IMMP2L: variants seen among roughly 807,000 people sequenced by gnomAD.
IMMP2L encodes mitochondrial inner membrane protease subunit 2.
A neutral mutation model predicts 19.3 loss-of-function variants in IMMP2L; 18 were observed. That is an observed-to-expected ratio of 0.93 (90% confidence interval 0.64 to 1.38). The LOEUF (loss-of-function observed/expected upper bound fraction) is 1.38, where lower values mean the gene tolerates loss of function less well. IMMP2L is among the 40% of genes most tolerant of loss of function. The probability of loss-of-function intolerance (pLI) is 0.00; values close to 1 mark genes in which losing one functional copy is unlikely to be tolerated. For synonymous variants in IMMP2L, 76 were observed against 73.0 expected (o/e 1.04, Z -0.21); for missense variants, 233 against 218.2 (o/e 1.07, Z -0.43).
intron 5 of IMMP2L, among the ~76,000 whole-genome samples, chr7:110,751,647 C>T (rs758967162): frequency 7.2e-5 from 11 of 151,892 alleles, no homozygotes; most frequent in Non-Finnish European, 1.3e-4. Context: ...AGCTGTAACA[C>T]GGCAAGTTAG....
At chr7:111,300,262 C>T (rs1822078500) in intron 3 of IMMP2L, among the ~76,000 whole-genome samples, 1 of 152,050 alleles carries the variant, frequency 6.6e-6, no homozygotes, top group Admixed American at 6.6e-5. Flanking sequence ...CATAGCAGAC[C>T]CACCTGAAGA....
intron 3 of IMMP2L, among the ~76,000 whole-genome samples, chr7:110,981,063 T>C (rs1821245111): frequency 6.6e-6 from 1 of 152,194 alleles, no homozygotes; most frequent in African/African-American, 2.4e-5. Flanking sequence ...TTTGAGAGTT[T>C]AGGCTACTGT....
chr7:110,715,895 G>C (rs765292858), intron 5 of IMMP2L, among the ~76,000 whole-genome samples: 9 of 152,048 alleles, frequency 5.9e-5, no homozygotes, highest in Non-Finnish European at 1.2e-4. Context: ...AGCTATCTAA[G>C]TATTTTCCTA....
chr7:111,088,114 T>C (rs1796515247), intron 3 of IMMP2L, among the ~76,000 whole-genome samples: 2 of 152,136 alleles, frequency 1.3e-5, no homozygotes, highest in African/African-American at 4.8e-5. Context: ...CCAGGCTACT[T>C]TTCTAAGAAA....
intron 5 of IMMP2L, among the ~76,000 whole-genome samples, chr7:110,814,007 C>T (rs930741656): frequency 5.9e-5 from 9 of 151,832 alleles, no homozygotes; most frequent in South Asian, 4.1e-4. Flanking sequence ...ATTTTTTTAA[C>T]GCTTATGAGT....
At chr7:111,369,448 A>C (rs1024572547) in intron 3 of IMMP2L, among the ~76,000 whole-genome samples, 6 of 152,064 alleles carry the variant, frequency 3.9e-5, no homozygotes, top group Non-Finnish European at 8.8e-5. Flanking sequence ...TTTTCATGAA[A>C]GGGCTAAAAT....
intron 3 of IMMP2L, among the ~76,000 whole-genome samples, chr7:111,085,357 C>A (rs1796227396): frequency 6.6e-6 from 1 of 152,112 alleles, no homozygotes; most frequent in Admixed American, 6.5e-5. Flanking sequence ...ATTTACACTC[C>A]CAACAACAGT....
intron 4 of IMMP2L, among the ~76,000 whole-genome samples, chr7:110,896,693 G>T (rs1960345): frequency 2.4e-4 from 36 of 152,202 alleles, no homozygotes; most frequent in African/African-American, 7.9e-4. Context: ...CATTTGTTTA[G>T]AAAATCTTCT....
intron 3 of IMMP2L, among the ~76,000 whole-genome samples, chr7:111,447,280 G>C (rs1838584379): frequency 8.7e-6 from 1 of 114,824 alleles, no homozygotes; most frequent in Non-Finnish European, 1.8e-5. Flanking sequence ...TTGAAATGAA[G>C]GAAAAAATGT....
intron 3 of IMMP2L, among the ~76,000 whole-genome samples, chr7:111,075,591 A>G (rs778010306): frequency 5.3e-5 from 8 of 152,170 alleles, no homozygotes; most frequent in Non-Finnish European, 1.0e-4. Context: ...CTGAGCCTCC[A>G]TAACACTAGG....
intron 3 of IMMP2L, among the ~76,000 whole-genome samples, chr7:111,410,015 T>G (rs951522920): frequency 6.6e-6 from 1 of 151,768 alleles, no homozygotes; most frequent in African/African-American, 2.4e-5. Flanking sequence ...TGGCTGGAAT[T>G]TGTGGGACAT....
At chr7:110,796,169 C>T (rs1156522454) in intron 5 of IMMP2L, among the ~76,000 whole-genome samples, 1 of 151,974 alleles carries the variant, frequency 6.6e-6, no homozygotes, top group African/African-American at 2.4e-5. Flanking sequence ...CCGGAGGCCT[C>T]CCAGCCATGC....
intron 5 of IMMP2L, among the ~76,000 whole-genome samples, chr7:110,801,429 C>A (rs563207267): frequency 3.3e-5 from 5 of 152,062 alleles, no homozygotes; most frequent in Admixed American, 3.3e-4. Context: ...CTTATACTTT[C>A]CTTTGGTCAT....
chr7:110,734,624 A>G (rs1008560130), intron 5 of IMMP2L, among the ~76,000 whole-genome samples: 1 of 152,232 alleles, frequency 6.6e-6, no homozygotes, highest in Admixed American at 6.5e-5. Context: ...CCAAATGACC[A>G]TTTAATTAGA....
intron 3 of IMMP2L, among the ~76,000 whole-genome samples, chr7:111,206,664 CTT>C (rs1810742360): frequency 6.6e-6 from 1 of 152,254 alleles, no homozygotes; most frequent in East Asian, 1.9e-4. Context: ...CAATTATACT[CTT>C]TCAGTTATTT....
At chr7:111,294,302 C>T (rs1321293682) in intron 3 of IMMP2L, among the ~76,000 whole-genome samples, 4 of 151,836 alleles carry the variant, frequency 2.6e-5, no homozygotes, top group Non-Finnish European at 4.4e-5. Context: ...TCAATAATTA[C>T]ACCAGGAACA....
intron 3 of IMMP2L, among the ~76,000 whole-genome samples, chr7:111,248,817 C>A: frequency 3.3e-5 from 1 of 30,598 alleles, no homozygotes. Context: ...GGGGGTGCCT[C>A]CCAGTTAGGC....
Position 111,007,914 on chromosome 7 carries a change from A to G in IMMP2L, c.240-44349T>C, listed in dbSNP as rs539735186. ...TCGTCTTCTAACTCTTCCCAAATGC[A>G]ATTAATAGTATCTCCATCCTTCCGG... On this transcript the variant is annotated intron_variant, in intron 3 of 5. Coordinates refer to ENST00000405709, the MANE Select transcript of IMMP2L (RefSeq NM_032549.4). 8.5e-5 allele frequency among the ~76,000 whole-genome samples: 13 copies of G among 152,158 alleles called. 1 individual carries two copies. Among genetic ancestry groups the G allele is most frequent in the African/African-American group, 3.1e-4 (13 of 41,540 alleles).
chr7:110,925,063 C>T (rs1051004318), intron 4 of IMMP2L, among the ~76,000 whole-genome samples: 2 of 152,018 alleles, frequency 1.3e-5, no homozygotes, highest in Admixed American at 1.3e-4. Context: ...AAAATGGAAT[C>T]GTGGCATAAG....
Sources: gnomAD v4.1 joint callset for allele counts (sites outside exome capture counted in the v4.1 genomes callset) on GRCh38, gnomAD v4.1.1 for gene constraint, MANE v1.5 for transcripts, NCBI Gene and HGNC (gene_info 2026-07-23, HGNC 2026-07-21) for gene names.